SOX5: variants seen among roughly 807,000 people sequenced by gnomAD.
SOX5 encodes transcription factor SOX-5.
In SOX5, 9 loss-of-function variants were observed where a neutral mutation model predicts 92.0. The observed-to-expected ratio is 0.10, with a 90% CI of 0.06 to 0.17. SOX5 has a LOEUF of 0.17. SOX5 is among the 10% of genes least tolerant of loss of function. The pLI, the probability that SOX5 is intolerant of heterozygous loss-of-function variation, is 1.00. For missense variants in SOX5, 642 were observed against 944.5 expected (o/e 0.68, Z 4.20); for synonymous variants, 344 against 336.3 (o/e 1.02, Z -0.25).
intron 1 of SOX5, among the ~76,000 whole-genome samples, chr12:23,912,498 A>G (rs1375557911): frequency 6.6e-5 from 10 of 152,226 alleles, no homozygotes; most frequent in Admixed American, 5.9e-4. Flanking sequence ...AATACCCAAG[A>G]CAATTGAAAA....
intron 1 of SOX5, among the ~76,000 whole-genome samples, chr12:24,529,815 C>A (rs961443593): frequency 6.6e-6 from 1 of 152,008 alleles, no homozygotes; most frequent in Non-Finnish European, 1.5e-5. Context: ...GTCAGGAGAT[C>A]GAGATCATCC....
intron 3 of SOX5, among the ~76,000 whole-genome samples, chr12:23,838,015 TAA>T (rs1403394512): frequency 7.8e-6 from 1 of 128,120 alleles, no homozygotes; most frequent in Admixed American, 9.0e-5. Context: ...TATATTTATA[TAA>T]TATATATACA....
intron 1 of SOX5, 42 bp from the exon 2 acceptor site, chr12:23,896,066 T>G (rs898771828): frequency 7.4e-7 from 1 of 1,343,542 alleles, no homozygotes. Context: ...AACCTCCACA[T>G]AAATCCTTAA....
intron 1 of SOX5, among the ~76,000 whole-genome samples, chr12:23,899,909 T>C (rs2097214476): frequency 6.6e-6 from 1 of 152,134 alleles, no homozygotes; most frequent in African/African-American, 2.4e-5. Flanking sequence ...GACAGTTCAG[T>C]CCGTAGATCA....
chr12:24,260,357 C>G (rs1209557268), intron 3 of SOX5, among the ~76,000 whole-genome samples: 1 of 152,112 alleles, frequency 6.6e-6, no homozygotes, highest in Non-Finnish European at 1.5e-5. Context: ...TGACCTTCCT[C>G]TAACTTGGTA....
chr12:23,603,042 T>G (rs1324987251), intron 9 of SOX5, among the ~76,000 whole-genome samples: 2 of 152,092 alleles, frequency 1.3e-5, no homozygotes, highest in African/African-American at 2.4e-5. Context: ...TTCTACATAT[T>G]GCTGAAAAAG....
chr12:23,772,565 G>C (rs1763164978), intron 3 of SOX5, among the ~76,000 whole-genome samples: 1 of 152,134 alleles, frequency 6.6e-6, no homozygotes, highest in Non-Finnish European at 1.5e-5. Context: ...TACTAATTGA[G>C]AGCTAAATGA....
Position 24,007,141 on chromosome 12 carries a change from ATAT to A in SOX5, c.-1-111120_-1-111118del, listed in dbSNP as rs1199813907. ...GAGCGAGACTCCATCTCAAAAAAAA[ATAT>A]ATATATATATATATATACATTTATA... On this transcript the variant is annotated intron_variant, in intron 4 of 4. Coordinates refer to the SOX5 transcript ENST00000446891. Among the ~76,000 whole-genome samples the A allele has an allele frequency of 1.7e-3, 50 of 29,306 alleles. 2 individuals carry two copies. The East Asian group carries it at 0.022, about 13-fold the overall frequency. The allele number at this position is 29,306 out of a possible 152,430, so 19.2% of individuals were successfully genotyped here.
intron 4 of SOX5, among the ~76,000 whole-genome samples, chr12:23,993,992 T>C (rs1950814230): frequency 6.6e-6 from 1 of 152,056 alleles, no homozygotes; most frequent in Non-Finnish European, 1.5e-5. Flanking sequence ...CGTGTGTCTG[T>C]AGTCCCAGCT....
In SOX5 at chr12:23,694,562, G is replaced by C. The variant is rs538987049; in HGVS notation, c.811-28998C>G. Among the ~76,000 whole-genome samples the C allele has an allele frequency of 6.6e-5, 10 of 152,144 alleles. No homozygotes were observed. In the East Asian group the frequency reaches 1.9e-3, roughly 29 times the overall value. ...AAAATTTTTTGGAGTCAGCTTTACAGAGGTATAATTTACATACAATAAATA... is the reference window on the plus strand; with the variant it reads ...AAAATTTTTTGGAGTCAGCTTTACACAGGTATAATTTACATACAATAAATA... On this transcript the variant is annotated intron_variant, in intron 6 of 14. Transcript: ENST00000451604.
chr12:24,090,276 T>G (rs551315264), intron 4 of SOX5, among the ~76,000 whole-genome samples: 11 of 152,196 alleles, frequency 7.2e-5, no homozygotes, highest in African/African-American at 2.4e-4. Context: ...TCAAAATCAG[T>G]GAAAGTTATA....
At chr12:23,657,446 G>C (rs990680986) in intron 7 of SOX5, among the ~76,000 whole-genome samples, 1 of 152,012 alleles carries the variant, frequency 6.6e-6, no homozygotes, top group African/African-American at 2.4e-5. Flanking sequence ...GAAGCAAAAT[G>C]TTTTATCTTA....
intron 2 of SOX5, among the ~76,000 whole-genome samples, chr12:24,284,129 G>A (rs889531203): frequency 5.3e-5 from 8 of 152,186 alleles, no homozygotes; most frequent in African/African-American, 1.2e-4. Context: ...TTTAAGTAGC[G>A]GTTATCTTTG....
intron 6 of SOX5, among the ~76,000 whole-genome samples, chr12:23,702,075 AT>A (rs201450919): frequency 0.015 from 2,228 of 152,134 alleles, 18 homozygotes; most frequent in South Asian, 0.028. Context: ...CAAGTCTCTT[AT>A]TTTGCCTGTG....
intron 3 of SOX5, among the ~76,000 whole-genome samples, chr12:24,215,283 C>G (rs1959077642): frequency 6.6e-6 from 1 of 151,968 alleles, no homozygotes; most frequent in African/African-American, 2.4e-5. Context: ...GAAAAGGCAT[C>G]CAGGCTGGAA....
chr12:23,972,710 C>A (rs1194171398), intron 4 of SOX5, among the ~76,000 whole-genome samples: 1 of 152,012 alleles, frequency 6.6e-6, no homozygotes, highest in Non-Finnish European at 1.5e-5. Context: ...TGACAATGTA[C>A]ATATTTATGG....
In SOX5 at chr12:23,859,132, CA is replaced by C. The variant is rs2096726491; in HGVS notation, c.271-12940del. ...GGCACCCTGAAAAAGAACAGAATAACAGCGATTTTCAGGGAACAAGGAAAGA... is the reference window on the plus strand; with the variant it reads ...GGCACCCTGAAAAAGAACAGAATAACGCGATTTTCAGGGAACAAGGAAAGA... On this transcript the variant is annotated intron_variant, in intron 2 of 14. Transcript: ENST00000451604. Among the ~76,000 whole-genome samples the C allele has an allele frequency of 3.9e-5, 6 of 152,214 alleles. No individual in the cohort carries two copies. In the South Asian group the frequency reaches 1.0e-3, roughly 26 times the overall value.
At chr12:24,061,910 T>C (rs1341962528) in intron 4 of SOX5, among the ~76,000 whole-genome samples, 1 of 152,198 alleles carries the variant, frequency 6.6e-6, no homozygotes, top group Non-Finnish European at 1.5e-5. Flanking sequence ...AGTATTCTCT[T>C]GCTCTGTGGA....
chr12:24,127,903 A>C (rs902123817), intron 4 of SOX5, among the ~76,000 whole-genome samples: 7 of 152,204 alleles, frequency 4.6e-5, no homozygotes, highest in African/African-American at 1.7e-4. Flanking sequence ...CACAGTTCCC[A>C]AGAGAGTCTA....
Sources: gnomAD v4.1 joint callset for allele counts (sites outside exome capture counted in the v4.1 genomes callset) on GRCh38, gnomAD v4.1.1 for gene constraint, MANE v1.5 for transcripts, NCBI Gene and HGNC (gene_info 2026-07-23, HGNC 2026-07-21) for gene names.